Variants in FARP1 observed in about 807,000 individuals in gnomAD.
FARP1 encodes FERM, ARHGEF and pleckstrin domain-containing protein 1.
Under a neutral mutation model 128.8 loss-of-function variants are expected in FARP1, and 52 were observed. The ratio of observed to expected loss-of-function variants is 0.40; its 90% CI spans 0.32 to 0.51. FARP1 has a LOEUF of 0.51. Among genes scored for constraint, FARP1 ranks in the 20% least tolerant of loss-of-function variants. FARP1 has a pLI of 0.45. For missense variants in FARP1, 1,333 were observed against 1,367.9 expected, an observed-to-expected ratio of 0.97 and a Z score of 0.40; for synonymous variants, 580 against 551.8, an observed-to-expected ratio of 1.05 and a Z score of -0.72.
chr13:98,347,471 G>A (rs1490284887), intron 3 of FARP1, among the ~76,000 whole-genome samples: 2 of 152,096 alleles, frequency 1.3e-5, no homozygotes, highest in African/African-American at 2.4e-5. Context: ...CTTTAGACAC[G>A]TCATCAAGTA....
Position 98,453,116 on chromosome 13 carries a change from A to T in FARP1, c.*4799A>T. The T allele has an allele frequency of 6.3e-7, 1 of 1,598,350 alleles. No homozygotes were observed. The highest frequency in any genetic ancestry group is 8.6e-7 in the Non-Finnish European group (1 of 1,168,040). On this transcript the variant is annotated 3_prime_UTR_variant, in exon 27 of 27. Transcript: ENST00000319562. ...GAAGGCTCTCGTTGACTTTTAAAAAAGGAGGAGGATGAAGAAGGAAAAAAG... is the reference window on the plus strand; with the variant it reads ...GAAGGCTCTCGTTGACTTTTAAAAATGGAGGAGGATGAAGAAGGAAAAAAG...
intron 1 of FARP1, among the ~76,000 whole-genome samples, chr13:98,167,968 C>T (rs1360435426): frequency 4.6e-5 from 7 of 151,392 alleles, no homozygotes; most frequent in Non-Finnish European, 7.4e-5. Flanking sequence ...GTCAGGAGAT[C>T]GAGACCATCC....
intron 1 of FARP1, among the ~76,000 whole-genome samples, chr13:98,145,793 C>T (rs960362837): frequency 4.9e-5 from 7 of 144,154 alleles, no homozygotes; most frequent in Non-Finnish European, 7.5e-5. Context: ...ACCCAGGAGG[C>T]GGAGGTTGTA....
intron 2 of FARP1, among the ~76,000 whole-genome samples, chr13:98,268,851 T>C (rs2139572133): frequency 6.6e-6 from 1 of 151,926 alleles, no homozygotes; most frequent in Middle Eastern, 3.4e-3. Context: ...AGACTACAGG[T>C]ATGTGCCACC....
Position 98,412,032 on chromosome 13 carries a change from G to A in FARP1, c.1824G>A (p.Leu608=), listed in dbSNP as rs1334460103. 1 of 1,613,918 alleles carries A rather than the reference G, an allele frequency of 6.2e-7. No homozygotes were observed. The highest frequency in any genetic ancestry group is 8.5e-7 in the Non-Finnish European group (1 of 1,179,868). Residue 608 remains leucine (L), a splice_region_variant and synonymous_variant, in exon 16 of 27, where the codon CTG becomes CTA. Coordinates refer to ENST00000319562, the MANE Select transcript of FARP1 (RefSeq NM_005766.4). ...AGGAAATTGAGCAACGACTTGCCCT[G>A]TGGTGAGTACATTTCTACTTCCCAG... is the stretch of plus-strand genomic sequence containing the variant. ...FLKEIEQRLA[L]WEGRSNAQIR... is the part of the protein sequence containing the mutation.
Position 98,352,404 on chromosome 13 carries a change from G to A in FARP1, c.276+8538G>A, listed in dbSNP as rs142540920. Among the ~76,000 whole-genome samples, 299 of 152,240 alleles carry A rather than the reference G, an allele frequency of 2.0e-3. 3 individuals carry two copies. The highest frequency in any genetic ancestry group is 5.8e-3 in the Admixed American group (89 of 15,288). On this transcript the variant is annotated intron_variant, in intron 3 of 26. Coordinates refer to ENST00000319562, the MANE Select transcript of FARP1 (RefSeq NM_005766.4). ...GTGACCAGTAACTGCCCCTTGAGAC[G>A]GGCCATCACTCAAGAGAGACTACTG...
chr13:98,310,149 C>G (rs1201742366), intron 2 of FARP1, among the ~76,000 whole-genome samples: 2 of 150,762 alleles, frequency 1.3e-5, no homozygotes. Flanking sequence ...AATAAAGACA[C>G]AGAATGACGA....
chr13:98,263,158 C>T (rs1045460379), intron 2 of FARP1, among the ~76,000 whole-genome samples: 7 of 152,068 alleles, frequency 4.6e-5, no homozygotes, highest in Admixed American at 3.3e-4. Flanking sequence ...ACATGCTGTG[C>T]CACCATGCCT....
chr13:98,335,446 C>T (rs1372019957), intron 2 of FARP1, among the ~76,000 whole-genome samples: 1 of 152,172 alleles, frequency 6.6e-6, no homozygotes, highest in Non-Finnish European at 1.5e-5. Flanking sequence ...ATCACGAGAA[C>T]AGCATGGGAA....
intron 2 of FARP1, among the ~76,000 whole-genome samples, chr13:98,292,539 A>T (rs1314768142): frequency 6.6e-6 from 1 of 152,244 alleles, no homozygotes; most frequent in East Asian, 1.9e-4. Context: ...AATTTAAATT[A>T]AATAAAATTG....
chr13:98,336,072 G>A (rs1488864466), intron 2 of FARP1, among the ~76,000 whole-genome samples: 2 of 152,154 alleles, frequency 1.3e-5, no homozygotes, highest in Non-Finnish European at 2.9e-5. Context: ...CTCAGGTAGG[G>A]AATTAATTGA....
At position 98,385,717 on chromosome 13, in the gene FARP1, G is replaced by A. The variant is rs755676759; in HGVS notation, c.662G>A (p.Arg221Gln). Residue 221 changes from arginine to glutamine, a missense_variant, in exon 8 of 27, where the codon CGG (arginine) becomes CAG (glutamine). This residue lies in a region of FARP1 where 324 missense variants were observed against 398.1 expected (regional missense o/e 0.81). Coordinates refer to ENST00000319562, the MANE Select transcript of FARP1 (RefSeq NM_005766.4). Reference protein sequence around the residue: ...SDFQLLEIARRLEMYGIRLHP... With the variant: ...SDFQLLEIARQLEMYGIRLHP... ...TTCCAGCTCCTAGAGATTGCCCGTC[G>A]GCTAGAGATGTATGGAATCCGGTTG... 10 of 1,614,174 alleles carry A rather than the reference G, an allele frequency of 6.2e-6. No homozygotes were observed. Among genetic ancestry groups the A allele is most frequent in the East Asian group, 2.2e-5 (1 of 44,884 alleles).
At chr13:98,246,317 G>A (rs1366427654) in intron 2 of FARP1, among the ~76,000 whole-genome samples, 3 of 67,454 alleles carry the variant, frequency 4.4e-5, no homozygotes, top group Non-Finnish European at 8.5e-5. Context: ...GGATGGTCTC[G>A]ATCTCCTGAC....
intron 2 of FARP1, among the ~76,000 whole-genome samples, chr13:98,249,442 G>A (rs560476306): frequency 3.3e-5 from 5 of 152,222 alleles, no homozygotes; most frequent in African/African-American, 1.2e-4. Context: ...TTTTGCAAGA[G>A]TGTTACAGCC....
At chr13:98,187,636 A>T (rs1281396505) in intron 1 of FARP1, among the ~76,000 whole-genome samples, 1 of 152,134 alleles carries the variant, frequency 6.6e-6, no homozygotes, top group African/African-American at 2.4e-5. Flanking sequence ...AGGTGATGAG[A>T]GCTGTGGAAG....
At chr13:98,315,913 A>G (rs556715455) in intron 2 of FARP1, among the ~76,000 whole-genome samples, 2 of 152,194 alleles carry the variant, frequency 1.3e-5, no homozygotes, top group East Asian at 3.9e-4. Flanking sequence ...TCAGCGTCTT[A>G]TTGTCATTGA....
At chr13:98,148,476 G>A (rs981333777) in intron 1 of FARP1, among the ~76,000 whole-genome samples, 2 of 152,162 alleles carry the variant, frequency 1.3e-5, no homozygotes, top group African/African-American at 4.8e-5. Context: ...TTTGGGATCT[G>A]TTCTTTTATA....
intron 1 of FARP1, among the ~76,000 whole-genome samples, chr13:98,211,710 A>G (rs186716285): frequency 2.4e-4 from 37 of 152,076 alleles, no homozygotes; most frequent in African/African-American, 8.0e-4. Context: ...CTTGAGTTCA[A>G]TTCTCACCTT....
At chr13:98,308,709 G>T (rs928192075) in intron 2 of FARP1, among the ~76,000 whole-genome samples, 7 of 152,054 alleles carry the variant, frequency 4.6e-5, no homozygotes, top group South Asian at 2.1e-4. Context: ...CACTCTGCTG[G>T]CCAGGCTGGA....
Sources: gnomAD v4.1 joint callset for allele counts (sites outside exome capture counted in the v4.1 genomes callset) on GRCh38, gnomAD v4.1.1 for gene constraint, gnomAD v4.1.1 regional missense constraint, MANE v1.5 for transcripts, NCBI Gene and HGNC (gene_info 2026-07-23, HGNC 2026-07-21) for gene names.